Variants in CASZ1 observed in about 807,000 individuals in gnomAD.
CASZ1 encodes the protein castor zinc finger 1.
A neutral mutation model predicts 135.2 loss-of-function variants in CASZ1; 28 were observed. The ratio of observed to expected loss-of-function variants is 0.21; its 90% confidence interval spans 0.15 to 0.28. The LOEUF (loss-of-function observed/expected upper bound fraction) is 0.28, where lower values mean the gene tolerates loss of function less well. Among genes scored for constraint, CASZ1 ranks in the 10% least tolerant of loss-of-function variants. CASZ1 has a pLI of 1.00. For synonymous variants in CASZ1, 1,068 were observed against 1,073.4 expected (o/e 0.99, Z 0.10); for missense variants, 2,161 against 2,453.3 (o/e 0.88, Z 2.52).
In CASZ1 at chr1:10,707,733, T is replaced by A. The variant is rs80321562; in HGVS notation, c.-76-2189A>T. 6.6e-6 allele frequency among the ~76,000 whole-genome samples: 1 copy of A among 152,160 alleles called. No individual in the cohort carries two copies. Among genetic ancestry groups the A allele is most frequent in the African/African-American group, 2.4e-5 (1 of 41,436 alleles). ...GCTGAGAGTTCATCTTGGTCTCTTC[T>A]TCCTTCTCTGGGCATCTTTTCTTGT... is the stretch of plus-strand genomic sequence containing the variant. On this transcript the variant is annotated intron_variant, in intron 2 of 20. Coordinates refer to ENST00000377022, the MANE Select transcript of CASZ1 (RefSeq NM_001079843.3). This position sits in a 1 kb window ranked among gnomAD's most constrained non-coding sequence, Gnocchi z 5.0.
intron 2 of CASZ1, among the ~76,000 whole-genome samples, chr1:10,723,290 G>A (rs912228006): frequency 6.6e-6 from 1 of 152,184 alleles, no homozygotes; most frequent in Non-Finnish European, 1.5e-5. Context: ...CAGTGAGTGG[G>A]GGCAGGCCTT....
At chr1:10,715,766 C>T (rs1341442718) in intron 2 of CASZ1, among the ~76,000 whole-genome samples, 1 of 130,884 alleles carries the variant, frequency 7.6e-6, no homozygotes, top group Admixed American at 7.4e-5. Flanking sequence ...CCAATCCACA[C>T]CCCACAGCAC....
intron 1 of CASZ1, among the ~76,000 whole-genome samples, chr1:10,766,203 T>TGC (rs1222805927): frequency 3.3e-4 from 49 of 148,018 alleles, no homozygotes; most frequent in Middle Eastern, 3.5e-3. Context: ...GTTCAGCACG[T>TGC]GCACACACAC....
chr1:10,664,628 C>G (rs558532368), intron 5 of CASZ1, among the ~76,000 whole-genome samples: 1 of 152,142 alleles, frequency 6.6e-6, no homozygotes, highest in East Asian at 1.9e-4. Context: ...GAGAAAGCTC[C>G]GTAAGTAGCA....
intron 18 of CASZ1, among the ~76,000 whole-genome samples, chr1:10,644,617 G>A (rs1642307358): frequency 6.6e-6 from 1 of 152,244 alleles, no homozygotes; most frequent in Non-Finnish European, 1.5e-5. Context: ...GATAAGAAAA[G>A]GAAAACAGAA....
chr1:10,730,714 T>G (rs936145221), intron 2 of CASZ1, among the ~76,000 whole-genome samples: 3 of 152,238 alleles, frequency 2.0e-5, no homozygotes, highest in Non-Finnish European at 4.4e-5. Flanking sequence ...ATCAGACTTT[T>G]GGAAAACTTA....
chr1:10,654,303 G>T (rs780555432), intron 10 of CASZ1, 85 bp from the exon 11 acceptor site: 1 of 1,578,528 alleles, frequency 6.3e-7, no homozygotes, highest in South Asian at 1.2e-5. Context: ...ACAGTCCCCC[G>T]GGTGGAAAAC....
intron 1 of CASZ1, among the ~76,000 whole-genome samples, chr1:10,782,213 C>T (rs534391166): frequency 2.4e-4 from 36 of 152,338 alleles, no homozygotes; most frequent in Middle Eastern, 3.4e-3. Flanking sequence ...TCCCTCCCTG[C>T]AGCTTCTGGG....
chr1:10,687,500 C>T (rs1262708863), intron 4 of CASZ1, among the ~76,000 whole-genome samples: 2 of 152,246 alleles, frequency 1.3e-5, no homozygotes, highest in Non-Finnish European at 2.9e-5. Flanking sequence ...ACGCCCGGGG[C>T]AGAGGCCTGA....
chr1:10,771,379 A>G (rs1183950344), intron 1 of CASZ1, among the ~76,000 whole-genome samples: 1 of 151,984 alleles, frequency 6.6e-6, no homozygotes, highest in Non-Finnish European at 1.5e-5. Flanking sequence ...GTCATTTCCA[A>G]TCTACCTTCA....
chr1:10,780,187 G>A (rs1185227817), intron 1 of CASZ1, among the ~76,000 whole-genome samples: 2 of 152,208 alleles, frequency 1.3e-5, no homozygotes, highest in Non-Finnish European at 2.9e-5. Context: ...ATATCTCAAA[G>A]CACTTAGCAA....
intron 5 of CASZ1, among the ~76,000 whole-genome samples, chr1:10,664,474 T>G (rs948174490): frequency 1.3e-5 from 2 of 152,112 alleles, no homozygotes; most frequent in Non-Finnish European, 2.9e-5. Flanking sequence ...CCGGGGCAGC[T>G]GGCTGTAAGA....
In CASZ1 at chr1:10,650,637, C is replaced by T. The variant is rs879051028; in HGVS notation, c.2880+55G>A. ...AAACACATCCCCCCACCCCCCAGCA[C>T]AGCTTTAATTTCTCTGGGTGGGGGA... is the stretch of plus-strand genomic sequence containing the variant. On this transcript the variant is annotated intron_variant, in intron 13 of 20. Transcript: ENST00000377022. 4.1e-5 allele frequency: 60 copies of T among 1,451,894 alleles called. No individual in the cohort carries two copies. The South Asian group carries it at 6.4e-4, about 15-fold the overall frequency. 89.9% of individuals were successfully genotyped at this position (1,451,894 alleles called of 1,614,324 possible). A position where few individuals can be genotyped will look rare whatever the true frequency, so the allele number is the denominator to read the frequency against.
intron 1 of CASZ1, among the ~76,000 whole-genome samples, chr1:10,783,043 C>A (rs889708652): frequency 6.6e-6 from 1 of 152,152 alleles, no homozygotes; most frequent in African/African-American, 2.4e-5. Context: ...GGAGCCGGCA[C>A]AATGCAGGGG....
In CASZ1 at chr1:10,777,225, AC is replaced by A. The variant is rs1285138976; in HGVS notation, c.-233-16369del. 3.3e-5 allele frequency among the ~76,000 whole-genome samples: 5 copies of A among 152,034 alleles called. No homozygotes were observed. The highest frequency in any genetic ancestry group is 7.4e-5 in the Non-Finnish European group (5 of 67,994). On this transcript the variant is annotated intron_variant, in intron 1 of 20. Coordinates refer to ENST00000377022, the MANE Select transcript of CASZ1 (RefSeq NM_001079843.3). The surrounding 1 kb of genome is among the most constrained non-coding windows in gnomAD (Gnocchi z 4.4). ...CGATCACACAGGTGTCTCTGAGCCC[AC>A]CCGAGCCTCGGAAGCTCAGCTGGGA... is the stretch of plus-strand genomic sequence containing the variant.
chr1:10,715,675 A>G (rs1380669447), intron 2 of CASZ1, among the ~76,000 whole-genome samples: 1 of 131,354 alleles, frequency 7.6e-6, no homozygotes, highest in Non-Finnish European at 1.6e-5. Flanking sequence ...ACAGCACCCA[A>G]TCCGCTCCCT....
intron 4 of CASZ1, among the ~76,000 whole-genome samples, chr1:10,692,681 G>T (rs1189830544): frequency 1.3e-5 from 2 of 152,120 alleles, no homozygotes; most frequent in African/African-American, 4.8e-5. Context: ...ACAAACACAG[G>T]CCCTTCTTCA....
At position 10,701,236 on chromosome 1, in the gene CASZ1, C is replaced by T. The variant is rs1388573016; in HGVS notation, c.-24+4256G>A. On this transcript the variant is annotated intron_variant, in intron 3 of 20. Coordinates refer to ENST00000377022, the MANE Select transcript of CASZ1 (RefSeq NM_001079843.3). The surrounding 1 kb of genome is among the most constrained non-coding windows in gnomAD (Gnocchi z 6.3). ...CGTGGCCCTCCTCCTGCCTCCTGCCCGGGTCCCTGGAGAGGAGGCTGCCCA... is the reference window on the plus strand; with the variant it reads ...CGTGGCCCTCCTCCTGCCTCCTGCCTGGGTCCCTGGAGAGGAGGCTGCCCA... 5.3e-5 allele frequency among the ~76,000 whole-genome samples: 8 copies of T among 152,078 alleles called. No homozygotes were observed. The South Asian group carries it at 1.0e-3, about 20-fold the overall frequency.
rs754621936 is a variant in CASZ1 at position 10,776,585 on chromosome 1, GGCACTGCCCA to G, written c.-233-15738_-233-15729del. 3.6e-4 allele frequency among the ~76,000 whole-genome samples: 55 copies of G among 152,330 alleles called. No individual in the cohort carries two copies. Among genetic ancestry groups the G allele is most frequent in the Non-Finnish European group, 6.8e-4 (46 of 68,026 alleles). ...GCAGGTGCATGGGGCATGGGTTGGGGGCACTGCCCACCGAGCCTGCAAAGGCTCTCCCTGG... is the reference window on the plus strand; with the variant it reads ...GCAGGTGCATGGGGCATGGGTTGGGGCCGAGCCTGCAAAGGCTCTCCCTGG... On this transcript the variant is annotated intron_variant, in intron 1 of 20. Coordinates refer to ENST00000377022, the MANE Select transcript of CASZ1 (RefSeq NM_001079843.3). The surrounding 1 kb of genome is among the most constrained non-coding windows in gnomAD (Gnocchi z 4.1).
Sources: allele counts gnomAD v4.1 joint callset (sites outside exome capture counted in the v4.1 genomes callset), GRCh38; gene constraint gnomAD v4.1.1; non-coding constraint Gnocchi (gnomAD v3.1); transcripts MANE v1.5; gene names NCBI Gene and HGNC (gene_info 2026-07-23, HGNC 2026-07-21).